The following SVBP variants were observed in gnomAD, a reference collection of about 807,000 sequenced individuals.
SVBP encodes the protein small vasohibin-binding protein.
SVBP carries 9 observed loss-of-function variants against 9.2 expected under a neutral mutation model. The observed-to-expected ratio is 0.98, with a 90% CI of 0.59 to 1.71. The LOEUF is 1.71. SVBP is among the 40% of genes most tolerant of loss of function. The pLI, the probability that SVBP is intolerant of heterozygous loss-of-function variation, is 0.00. For synonymous variants in SVBP, 27 were observed against 23.9 expected (o/e 1.13, Z -0.37); for missense variants, 63 against 73.2 (o/e 0.86, Z 0.51).
chr1:42,809,841 A>G (rs1349039850), intron 2 of SVBP, among the ~76,000 whole-genome samples: 1 of 152,210 alleles, frequency 6.6e-6, no homozygotes, highest in Non-Finnish European at 1.5e-5. Flanking sequence ...TCACGGTAAC[A>G]TATATAAAAG....
At chr1:42,808,744 T>C (rs760096933) in intron 2 of SVBP, among the ~76,000 whole-genome samples, 1 of 152,024 alleles carries the variant, frequency 6.6e-6, no homozygotes, top group Non-Finnish European at 1.5e-5. Flanking sequence ...TTGTCCAGGC[T>C]GGATTGCAGT....
At position 42,809,653 on chromosome 1, in the gene SVBP, G is replaced by A. The variant is rs140361442; in HGVS notation, c.115-2153C>T. Among the ~76,000 whole-genome samples the A allele has an allele frequency of 1.6e-4, 25 of 152,244 alleles. No homozygotes were observed. In the East Asian group the frequency reaches 4.8e-3, roughly 29 times the overall value. On this transcript the variant is annotated intron_variant, in intron 2 of 2. Transcript: ENST00000372521. ...CTGACTAGAAAGCTTGAATATTCCT[G>A]TCATCTTTAAGAAAAATGGAATTCT...
intron 2 of SVBP, chr1:42,809,186 CCACT>C (rs1289889530): frequency 2.6e-5 from 4 of 151,906 alleles, no homozygotes; most frequent in African/African-American, 9.7e-5. Context: ...ATTAATCCAC[CCACT>C]AAGAACAGAA....
In SVBP at chr1:42,814,391, A is replaced by G. The variant is rs187395645; in HGVS notation, c.114+2040T>C. The stretch of plus-strand genomic sequence containing the variant: ...GTGCCTGGCCAATATTTAATGAATG[A>G]ATCAGGTTAACAAAAATTAAAAGTT... On this transcript the variant is annotated intron_variant, in intron 2 of 2. Transcript: ENST00000372521. Among the ~76,000 whole-genome samples, 663 of 151,676 alleles carry G rather than the reference A, an allele frequency of 4.4e-3. 4 individuals are homozygous for G. Among genetic ancestry groups the G allele is most frequent in the Non-Finnish European group, 6.7e-3 (456 of 67,852 alleles).
rs760859644 is a variant in SVBP, at chr1:42,817,291, T to G, written c.-138A>C. The G allele has an allele frequency of 4.8e-5, 58 of 1,207,900 alleles. No individual in the cohort carries two copies. Among genetic ancestry groups the G allele is most frequent in the Non-Finnish European group, 6.2e-5 (58 of 939,946 alleles). The allele number at this position is 1,207,900 out of a possible 1,614,324, so 74.8% of individuals were successfully genotyped here. A position where few individuals can be genotyped will look rare whatever the true frequency, so the allele number is the denominator to read the frequency against. ...TTCCCCCGACCACTGGACCCAGCGC[T>G]GCCTGCCCACCGCCCCTCGTCCTGG... On this transcript the variant is annotated 5_prime_UTR_variant, in exon 1 of 3. Transcript: ENST00000372521.
intron 2 of SVBP, among the ~76,000 whole-genome samples, chr1:42,808,041 G>A (rs1653996835): frequency 6.6e-6 from 1 of 150,630 alleles, no homozygotes; most frequent in Non-Finnish European, 1.5e-5. Context: ...AATTATGTTG[G>A]GGTCTTAAAT....
intron 1 of SVBP, 51 bp from the exon 2 acceptor site, chr1:42,816,631 T>A (rs1160291918): frequency 2.2e-6 from 2 of 919,718 alleles, no homozygotes; most frequent in African/African-American, 3.3e-5. Flanking sequence ...AAACAAAAAA[T>A]ACCCTGCCAG....
chr1:42,811,487 C>T (rs1018888175), intron 2 of SVBP, among the ~76,000 whole-genome samples: 2 of 152,154 alleles, frequency 1.3e-5, no homozygotes, highest in African/African-American at 4.8e-5. Flanking sequence ...TTGAGTGCAG[C>T]AACGTTGCAT....
chr1:42,810,698 C>A (rs1654065547), intron 2 of SVBP, among the ~76,000 whole-genome samples: 1 of 152,112 alleles, frequency 6.6e-6, no homozygotes, highest in African/African-American at 2.4e-5. Context: ...GGTGCTTCCA[C>A]TGCCAATGTG....
intron 2 of SVBP, 120 bp downstream of exon 2, chr1:42,816,311 A>T: frequency 1.4e-6 from 1 of 725,816 alleles, no homozygotes; most frequent in Non-Finnish European, 2.3e-6. Context: ...AACCTGGGAG[A>T]ACACCCATCC....
At chr1:42,808,590 T>C (rs1654017225) in intron 2 of SVBP, among the ~76,000 whole-genome samples, 2 of 147,400 alleles carry the variant, frequency 1.4e-5, no homozygotes, top group African/African-American at 4.9e-5. Flanking sequence ...AGTATATATG[T>C]AGTATATATA....
chr1:42,808,422 A>G (rs1483446358), intron 2 of SVBP, among the ~76,000 whole-genome samples: 1 of 145,426 alleles, frequency 6.9e-6, no homozygotes, highest in Non-Finnish European at 1.5e-5. Flanking sequence ...TATACTGTAT[A>G]CAGTATATAT....
chr1:42,817,288 C>T lies in SVBP; in HGVS notation c.-135G>A. The stretch of plus-strand genomic sequence containing the variant: ...GCCTTCCCCCGACCACTGGACCCAG[C>T]GCTGCCTGCCCACCGCCCCTCGTCC... On this transcript the variant is annotated 5_prime_UTR_variant, in exon 1 of 3. Transcript: ENST00000372521. 2 of 1,211,282 alleles carry T rather than the reference C, an allele frequency of 1.7e-6. No homozygotes were observed. Among genetic ancestry groups the T allele is most frequent in the Non-Finnish European group, 2.1e-6 (2 of 942,402 alleles). 75.0% of individuals were successfully genotyped at this position (1,211,282 alleles called of 1,614,324 possible). A position where few individuals can be genotyped will look rare whatever the true frequency, so the allele number is the denominator to read the frequency against.
At chr1:42,813,799 G>C (rs1288350998) in intron 2 of SVBP, 3 of 487,926 alleles carry the variant, frequency 6.1e-6, no homozygotes, top group African/African-American at 5.9e-5. Flanking sequence ...GTTTCTTATA[G>C]CAACCCTCAT....
At chr1:42,814,991 G>C (rs1654166596) in intron 2 of SVBP, among the ~76,000 whole-genome samples, 1 of 152,094 alleles carries the variant, frequency 6.6e-6, no homozygotes, top group Non-Finnish European at 1.5e-5. Flanking sequence ...ATGATAGACT[G>C]GATTAAGAAA....
intron 2 of SVBP, among the ~76,000 whole-genome samples, chr1:42,811,026 CT>C (rs1368382786): frequency 6.6e-6 from 1 of 152,104 alleles, no homozygotes; most frequent in Admixed American, 6.5e-5. Context: ...GTAATCCCAG[CT>C]ACTCAGGAGG....
intron 2 of SVBP, among the ~76,000 whole-genome samples, chr1:42,810,223 A>C (rs1327487648): frequency 6.6e-6 from 1 of 151,952 alleles, no homozygotes; most frequent in Non-Finnish European, 1.5e-5. Context: ...ATCTCAGCTC[A>C]CTGCAACCTC....
rs188917330 is a variant in SVBP at position 42,816,575 on chromosome 1, T to C, written c.-31A>G. ...GACTTCTGGATATTTCTTAGGAGGC[T>C]CTGATCTGGGTGGTACAGAAAGAGG... On this transcript the variant is annotated 5_prime_UTR_variant, in exon 2 of 3. Coordinates refer to ENST00000372521, the MANE Select transcript of SVBP (RefSeq NM_199342.4). 1.4e-3 allele frequency: 2,090 copies of C among 1,478,556 alleles called. 39 individuals are homozygous for C. The highest frequency in any genetic ancestry group is 9.8e-5 in the Non-Finnish European group (104 of 1,056,796). The allele number at this position is 1,478,556 out of a possible 1,614,324, so 91.6% of individuals were successfully genotyped here. A position where few individuals can be genotyped will look rare whatever the true frequency, so the allele number is the denominator to read the frequency against.
rs781283021 is a variant in SVBP, at chr1:42,816,497, G to C, written c.48C>G (p.Val16=). ...TCTGTTTGGCCTTCTCAACTCTGCT[G>C]ACAGATTCTTTAACTTTGGTTTTTT... The part of the protein sequence containing the change: ...RKEKTKVKES[V]SRVEKAKQKS... The change falls in exon 2 of 3, where the codon GTC becomes GTG. Residue 16 remains valine, a synonymous_variant. Coordinates refer to ENST00000372521, the MANE Select transcript of SVBP (RefSeq NM_199342.4). 5.0e-6 allele frequency: 8 copies of C among 1,614,020 alleles called. No individual in the cohort carries two copies. The African/African-American group carries it at 9.3e-5, about 19-fold the overall frequency.
Sources: allele counts gnomAD v4.1 joint callset (sites outside exome capture counted in the v4.1 genomes callset), GRCh38; gene constraint gnomAD v4.1.1; transcripts MANE v1.5; gene names NCBI Gene and HGNC (gene_info 2026-07-23, HGNC 2026-07-21).